SPATA13: variants seen among roughly 807,000 people sequenced by gnomAD.
The protein encoded by SPATA13 is spermatogenesis associated 13.
In SPATA13, 50 loss-of-function variants were observed where a neutral mutation model predicts 104.0. That is an observed-to-expected ratio of 0.48 (90% CI 0.38 to 0.61). SPATA13 has a LOEUF of 0.61. Ranked by LOEUF, SPATA13 falls within the 20% of genes least tolerant of loss-of-function variation. The pLI is 0.00. For synonymous variants in SPATA13, 606 were observed against 667.5 expected, an observed-to-expected ratio of 0.91 and a Z score of 1.42; for missense variants, 1,524 against 1,690.6, an observed-to-expected ratio of 0.90 and a Z score of 1.73.
chr13:23,989,485 G>T (rs1402601874), intron 2 of SPATA13, among the ~76,000 whole-genome samples: 6 of 151,858 alleles, frequency 4.0e-5, no homozygotes. Context: ...TAAGTAGCTT[G>T]GTATGAACTG....
chr13:24,177,983 A>C (rs1868536862), intron 1 of SPATA13, among the ~76,000 whole-genome samples: 1 of 152,034 alleles, frequency 6.6e-6, no homozygotes, highest in African/African-American at 2.4e-5. Context: ...CAGCCTCCCA[A>C]GTAGCTGGGA....
intron 11 of SPATA13, among the ~76,000 whole-genome samples, chr13:24,299,817 C>T (rs1166549347): frequency 2.6e-5 from 4 of 152,200 alleles, no homozygotes; most frequent in African/African-American, 7.2e-5. Context: ...CAAGGGTTGC[C>T]TCATCTTGTC....
chr13:24,231,720 G>C (rs1364746245), intron 2 of SPATA13, among the ~76,000 whole-genome samples: 1 of 152,204 alleles, frequency 6.6e-6, no homozygotes, highest in East Asian at 1.9e-4. Context: ...ATTCTCACCA[G>C]CATTGTATAA....
At chr13:23,997,017 C>G (rs573081428) in intron 2 of SPATA13, among the ~76,000 whole-genome samples, 35 of 152,284 alleles carry the variant, frequency 2.3e-4, no homozygotes, top group East Asian at 1.4e-3. Context: ...TGCCCCATTT[C>G]TCTTAAGAAC....
chr13:24,085,570 G>C (rs1879691998), intron 3 of SPATA13, among the ~76,000 whole-genome samples: 1 of 152,214 alleles, frequency 6.6e-6, no homozygotes. Flanking sequence ...AGGGACCCTA[G>C]ATCCAGAGGA....
intron 3 of SPATA13, among the ~76,000 whole-genome samples, chr13:24,132,778 A>G (rs1881428249): frequency 1.3e-5 from 2 of 152,152 alleles, no homozygotes; most frequent in African/African-American, 4.8e-5. Context: ...GTTCGAGACC[A>G]GCCTGGCCAA....
intron 3 of SPATA13, among the ~76,000 whole-genome samples, chr13:24,147,886 G>GT: frequency 6.6e-6 from 1 of 152,264 alleles, no homozygotes; most frequent in East Asian, 1.9e-4. Context: ...TTCATTTAGC[G>GT]TAAGGTCCTC....
At chr13:24,008,241 T>G (rs1037898999) in intron 2 of SPATA13, among the ~76,000 whole-genome samples, 5 of 152,272 alleles carry the variant, frequency 3.3e-5, no homozygotes, top group African/African-American at 1.2e-4. Context: ...CCAGGTTATC[T>G]GTAAATTTCA....
At chr13:24,059,404 T>G (rs902542950) in intron 3 of SPATA13, among the ~76,000 whole-genome samples, 1 of 146,638 alleles carries the variant, frequency 6.8e-6, no homozygotes, top group African/African-American at 2.4e-5. Flanking sequence ...GTGCCTTGTG[T>G]TTTCCACTTG....
rs569895456 is a variant in SPATA13 at position 24,127,776 on chromosome 13, A to G, written c.-111-95043A>G. ...ATACTGACTTGTGAGCAAGTTTAACATTTGAAGTTCAAAGACAATGGTATC... is the reference window on the plus strand; with the variant it reads ...ATACTGACTTGTGAGCAAGTTTAACGTTTGAAGTTCAAAGACAATGGTATC... On this transcript the variant is annotated intron_variant, in intron 3 of 14. Coordinates refer to the SPATA13 transcript ENST00000424834. Among the ~76,000 whole-genome samples the G allele has an allele frequency of 2.6e-5, 4 of 152,392 alleles. No homozygotes were observed. The East Asian group carries it at 5.8e-4, about 22-fold the overall frequency.
intron 2 of SPATA13, among the ~76,000 whole-genome samples, chr13:24,242,726 G>GA (rs1280400234): frequency 1.8e-4 from 28 of 152,096 alleles, no homozygotes; most frequent in Admixed American, 1.8e-3. Flanking sequence ...CCTCCCACAA[G>GA]AAAAAATGTC....
chr13:24,226,401 G>A (rs1871943790), intron 2 of SPATA13, among the ~76,000 whole-genome samples: 1 of 152,182 alleles, frequency 6.6e-6, no homozygotes, highest in Admixed American at 6.5e-5. Context: ...TTTTTATGAT[G>A]GGTTATTGTA....
At chr13:24,002,703 T>A (rs1876035772) in intron 2 of SPATA13, among the ~76,000 whole-genome samples, 2 of 152,120 alleles carry the variant, frequency 1.3e-5, no homozygotes, top group Admixed American at 1.3e-4. Flanking sequence ...AGGAAGAGCA[T>A]CCAGTGCACC....
intron 3 of SPATA13, among the ~76,000 whole-genome samples, chr13:24,056,974 C>T (rs9553151): frequency 0.11 from 16,003 of 146,658 alleles, 1,031 homozygotes; most frequent in South Asian, 0.23. Flanking sequence ...GGGAAAAACT[C>T]GAGCCACAGA....
intron 3 of SPATA13, among the ~76,000 whole-genome samples, chr13:24,107,825 G>A (rs939457215): frequency 1.3e-5 from 2 of 152,126 alleles, no homozygotes; most frequent in African/African-American, 2.4e-5. Flanking sequence ...CTGCTCTATC[G>A]GCACGTTAAA....
chr13:24,105,802 G>T (rs984780858), intron 3 of SPATA13, among the ~76,000 whole-genome samples: 23 of 152,258 alleles, frequency 1.5e-4, no homozygotes, highest in African/African-American at 5.1e-4. Flanking sequence ...AGGCCCTTAT[G>T]GTGGGCCTTA....
At chr13:23,989,116 A>G (rs1205746388) in intron 2 of SPATA13, among the ~76,000 whole-genome samples, 1 of 152,176 alleles carries the variant, frequency 6.6e-6, no homozygotes, top group Admixed American at 6.5e-5. Context: ...TAGTCTCACA[A>G]TGTGTTTTAA....
At chr13:24,247,807 TG>T (rs1315055103) in intron 2 of SPATA13, among the ~76,000 whole-genome samples, 4 of 152,132 alleles carry the variant, frequency 2.6e-5, no homozygotes, top group Non-Finnish European at 5.9e-5. Context: ...TCATGGCACG[TG>T]GCCTCAGTGA....
rs748261901 is a variant in SPATA13, at chr13:23,985,324, C to T, written c.-147+1391C>T. ...TTTATGATCCTGCTGAGGGTGAGCACACACAGGGAATCATGGGAAAGGTTG... is the reference window on the plus strand; with the variant it reads ...TTTATGATCCTGCTGAGGGTGAGCATACACAGGGAATCATGGGAAAGGTTG... On this transcript the variant is annotated intron_variant, in intron 2 of 14. Coordinates refer to the SPATA13 transcript ENST00000424834. Among the ~76,000 whole-genome samples, 61 of 152,260 alleles carry T rather than the reference C, an allele frequency of 4.0e-4. 1 individual carries two copies. Among genetic ancestry groups the T allele is most frequent in the Non-Finnish European group, 4.8e-4 (33 of 68,046 alleles).
Sources: allele counts gnomAD v4.1 joint callset (sites outside exome capture counted in the v4.1 genomes callset), GRCh38; gene constraint gnomAD v4.1.1; transcripts MANE v1.5; gene names NCBI Gene and HGNC (gene_info 2026-07-23, HGNC 2026-07-21).